TENM1: variants seen among roughly 807,000 people sequenced by gnomAD.
TENM1 encodes teneurin transmembrane protein 1.
In TENM1, 35 loss-of-function variants were observed where a neutral mutation model predicts 174.8. The ratio of observed to expected loss-of-function variants is 0.20; its 90% CI spans 0.15 to 0.27. TENM1 has a LOEUF of 0.27. Ranked by LOEUF, TENM1 falls within the 10% of genes least tolerant of loss-of-function variation. The probability of loss-of-function intolerance (pLI) is 1.00; values close to 1 mark genes in which losing one functional copy is unlikely to be tolerated. For synonymous variants in TENM1, 781 were observed against 798.7 expected, an observed-to-expected ratio of 0.98 and a Z score of 0.37; for missense variants, 1,633 against 2,130.1, an observed-to-expected ratio of 0.77 and a Z score of 4.59.
intron 31 of TENM1, among the ~76,000 whole-genome samples, chrX:124,382,168 T>A (rs1018535240): frequency 8.9e-6 from 1 of 112,004 alleles, no homozygotes; most frequent in Non-Finnish European, 1.9e-5. Context: ...TCTTAAATGT[T>A]TTGATGTTCC....
At chrX:125,197,084 G>T in the TENM1 span, among the ~76,000 whole-genome samples, 1 of 111,281 alleles carries the variant, frequency 9.0e-6, no homozygotes, top group South Asian at 3.7e-4. Flanking sequence ...CATGCAACTG[G>T]GAAATTTTCT....
chrX:124,544,938 A>G (rs767484332), intron 15 of TENM1, among the ~76,000 whole-genome samples: 1 of 110,576 alleles, frequency 9.0e-6, no homozygotes, highest in Non-Finnish European at 1.9e-5. Context: ...TGCTTTGTAA[A>G]CTAAAAAGTA....
chrX:124,503,781 G>T, intron 18 of TENM1, 78 bp from the exon 22 acceptor site: 1 of 970,493 alleles, frequency 1.0e-6, no homozygotes. Context: ...ATAATTCTGT[G>T]GATATCACTT....
chrX:124,774,146 G>T (rs1018655164), intron 3 of TENM1, among the ~76,000 whole-genome samples: 2 of 111,995 alleles, frequency 1.8e-5, no homozygotes, highest in African/African-American at 6.5e-5. Flanking sequence ...AAGAAAGAAT[G>T]AAAAGCATAA....
the TENM1 span, among the ~76,000 whole-genome samples, chrX:124,999,972 G>T: frequency 9.0e-6 from 1 of 111,017 alleles, no homozygotes; most frequent in Non-Finnish European, 1.9e-5. Flanking sequence ...GTTAATGCAC[G>T]ACATTCTTTT....
At chrX:124,721,345 G>A (rs1429810145) in intron 4 of TENM1, among the ~76,000 whole-genome samples, 2 of 111,344 alleles carry the variant, frequency 1.8e-5, no homozygotes, top group African/African-American at 6.5e-5. Flanking sequence ...TGTACTATAA[G>A]ATTTTCAATT....
At chrX:124,612,626 G>C (rs973603213) in intron 11 of TENM1, among the ~76,000 whole-genome samples, 1 of 111,396 alleles carries the variant, frequency 9.0e-6, no homozygotes, top group African/African-American at 3.3e-5. Flanking sequence ...CGTTTAAAAT[G>C]ACAACAGATC....
At chrX:124,547,116 T>C (rs372763027) in intron 14 of TENM1, 26 bp from the exon 18 acceptor site, 34 of 1,121,119 alleles carry the variant, frequency 3.0e-5, no homozygotes, top group Non-Finnish European at 3.9e-5. Context: ...AAAACCAATA[T>C]TGATTATTTA....
At chrX:124,810,627 C>T (rs186675999) in intron 3 of TENM1, among the ~76,000 whole-genome samples, 6 of 111,286 alleles carry the variant, frequency 5.4e-5, no homozygotes, top group African/African-American at 1.6e-4. Flanking sequence ...CTACCCAATG[C>T]GATATACAGA....
At chrX:125,151,681 T>C in the TENM1 span, among the ~76,000 whole-genome samples, 1 of 112,127 alleles carries the variant, frequency 8.9e-6, no homozygotes, top group Admixed American at 9.4e-5. Flanking sequence ...TCTAAGCCAG[T>C]AGATCTCAAC....
At chrX:124,753,247 G>A (rs1196627423) in intron 3 of TENM1, among the ~76,000 whole-genome samples, 3 of 110,519 alleles carry the variant, frequency 2.7e-5, no homozygotes, top group Non-Finnish European at 5.7e-5. Flanking sequence ...TCTTTTTGAA[G>A]CAGTTGTGAA....
the TENM1 span, among the ~76,000 whole-genome samples, chrX:125,173,659 T>G: frequency 9.0e-6 from 1 of 111,232 alleles, no homozygotes; most frequent in Non-Finnish European, 1.9e-5. Flanking sequence ...ATGAAAGACA[T>G]GTATATAACA....
chrX:124,994,419 A>G, the TENM1 span, among the ~76,000 whole-genome samples: 1 of 109,344 alleles, frequency 9.1e-6, no homozygotes, highest in Non-Finnish European at 1.9e-5. Context: ...CCTGCTCTAG[A>G]AGAGATCTCA....
At chrX:125,201,757 T>G in the TENM1 span, among the ~76,000 whole-genome samples, 3 of 111,928 alleles carry the variant, frequency 2.7e-5, no homozygotes, top group Non-Finnish European at 5.6e-5. Context: ...ATGAAAAGTT[T>G]TCAACATTAT....
chrX:124,757,082 T>C (rs1329871111), intron 3 of TENM1, among the ~76,000 whole-genome samples: 52 of 112,576 alleles, frequency 4.6e-4, no homozygotes, highest in South Asian at 3.3e-3. Flanking sequence ...TTTGTCTGTG[T>C]CCTGCCCCCA....
intron 4 of TENM1, among the ~76,000 whole-genome samples, chrX:124,735,050 C>T (rs1320147656): frequency 8.9e-6 from 1 of 111,760 alleles, no homozygotes; most frequent in Admixed American, 9.5e-5. Context: ...AATTTTATGA[C>T]CAAGACCTCA....
chrX:124,406,341 T>C, exon 26 of TENM1: 1 of 1,209,782 alleles, frequency 8.3e-7, no homozygotes. Context: ...TATATGGTAC[T>C]AGTTGCCGTC....
chrX:124,759,318 T>A (rs2054348365), intron 3 of TENM1, among the ~76,000 whole-genome samples: 1 of 111,132 alleles, frequency 9.0e-6, no homozygotes, highest in Admixed American at 9.6e-5. Context: ...TAGAAATAGT[T>A]TTTTAAAAAA....
chrX:125,153,192 G>A, the TENM1 span, among the ~76,000 whole-genome samples: 1 of 111,355 alleles, frequency 9.0e-6, no homozygotes, highest in African/African-American at 3.3e-5. Context: ...TTGGGGGAGG[G>A]GAATTCTATT....
Sources: allele counts gnomAD v4.1 joint callset (sites outside exome capture counted in the v4.1 genomes callset), GRCh38; gene constraint gnomAD v4.1.1; transcripts MANE v1.5; gene names NCBI Gene and HGNC (gene_info 2026-07-23, HGNC 2026-07-21).